CDH18: variants seen among roughly 807,000 people sequenced by gnomAD.
CDH18 encodes the protein cadherin-18.
Under a neutral mutation model 67.9 loss-of-function variants are expected in CDH18, and 31 were observed. The ratio of observed to expected loss-of-function variants is 0.46; its 90% CI spans 0.34 to 0.62. The LOEUF (loss-of-function observed/expected upper bound fraction) is 0.62, where lower values mean the gene tolerates loss of function less well. Ranked by LOEUF, CDH18 falls within the 20% of genes least tolerant of loss-of-function variation. The pLI is 0.01. For synonymous variants in CDH18, 362 were observed against 347.2 expected (o/e 1.04, Z -0.48); for missense variants, 890 against 975.5 (o/e 0.91, Z 1.17).
intron 2 of CDH18, among the ~76,000 whole-genome samples, chr5:19,841,455 G>T (rs910795484): frequency 6.6e-6 from 1 of 151,312 alleles, no homozygotes; most frequent in Non-Finnish European, 1.5e-5. Flanking sequence ...ATTAAAATTT[G>T]TGACTGGAAT....
At chr5:20,341,742 A>C (rs1159640552) in intron 1 of CDH18, among the ~76,000 whole-genome samples, 2 of 152,036 alleles carry the variant, frequency 1.3e-5, no homozygotes, top group Non-Finnish European at 2.9e-5. Context: ...GAGTAGACCC[A>C]AAAATGCTAA....
intron 2 of CDH18, among the ~76,000 whole-genome samples, chr5:20,013,074 T>G (rs1737595032): frequency 6.6e-6 from 1 of 152,024 alleles, no homozygotes; most frequent in Non-Finnish European, 1.5e-5. Context: ...ACAATAAAAG[T>G]TTTTTTAAAA....
intron 11 of CDH18, among the ~76,000 whole-genome samples, chr5:19,497,825 G>T (rs948594522): frequency 6.6e-6 from 1 of 152,254 alleles, no homozygotes; most frequent in South Asian, 2.1e-4. Context: ...ATAGTTGCTC[G>T]TAGGAGTTAC....
chr5:20,522,757 C>G (rs1409450815), intron 1 of CDH18, among the ~76,000 whole-genome samples: 1 of 152,020 alleles, frequency 6.6e-6, no homozygotes, highest in African/African-American at 2.4e-5. Context: ...AATCTAAAAC[C>G]CGTTAGGAAG....
chr5:19,758,811 C>T (rs1017682064), intron 3 of CDH18, among the ~76,000 whole-genome samples: 1 of 152,218 alleles, frequency 6.6e-6, no homozygotes, highest in Non-Finnish European at 1.5e-5. Flanking sequence ...ATTCCCCATC[C>T]TCTGGCACGC....
intron 4 of CDH18, among the ~76,000 whole-genome samples, chr5:19,740,995 T>G (rs1331051726): frequency 6.6e-6 from 1 of 152,206 alleles, no homozygotes; most frequent in Non-Finnish European, 1.5e-5. Context: ...ACATCTATTA[T>G]GGATTAATCC....
intron 2 of CDH18, among the ~76,000 whole-genome samples, chr5:20,162,273 G>A (rs10065625): frequency 0.46 from 70,285 of 151,438 alleles, 17,330 homozygotes; most frequent in Middle Eastern, 0.62. Context: ...TTCTTGCCAG[G>A]TCACTAAAGC....
intron 2 of CDH18, among the ~76,000 whole-genome samples, chr5:19,993,782 C>T (rs1274144258): frequency 6.6e-6 from 1 of 151,836 alleles, no homozygotes; most frequent in Non-Finnish European, 1.5e-5. Flanking sequence ...TCTATCTATC[C>T]TCTTAGTTCT....
At chr5:20,261,473 G>T (rs1744647540) in intron 1 of CDH18, among the ~76,000 whole-genome samples, 2 of 152,130 alleles carry the variant, frequency 1.3e-5, no homozygotes, top group South Asian at 2.1e-4. Context: ...GGGCGTGGTG[G>T]CTCACGCCTC....
intron 1 of CDH18, among the ~76,000 whole-genome samples, chr5:20,408,914 G>A (rs1351662104): frequency 6.6e-6 from 1 of 151,532 alleles, no homozygotes; most frequent in African/African-American, 2.4e-5. Flanking sequence ...AGAAAGCTAG[G>A]AATACTTATC....
intron 1 of CDH18, among the ~76,000 whole-genome samples, chr5:20,497,096 G>A (rs1753956088): frequency 6.6e-6 from 1 of 151,946 alleles, no homozygotes; most frequent in South Asian, 2.1e-4. Flanking sequence ...GAATAGCCAA[G>A]CAAAAGCAGT....
At chr5:20,175,147 A>G (rs1028764967) in intron 2 of CDH18, among the ~76,000 whole-genome samples, 2 of 152,096 alleles carry the variant, frequency 1.3e-5, no homozygotes, top group African/African-American at 2.4e-5. Context: ...AATGCCAACA[A>G]GAGGAAGAAA....
intron 1 of CDH18, among the ~76,000 whole-genome samples, chr5:20,361,167 C>CA (rs888952877): frequency 4.0e-5 from 6 of 151,172 alleles, no homozygotes; most frequent in African/African-American, 1.2e-4. Context: ...TTCATTCTTT[C>CA]AAAAAAAATG....
At chr5:19,958,446 T>TGCC (rs1417969373) in intron 2 of CDH18, among the ~76,000 whole-genome samples, 1 of 147,868 alleles carries the variant, frequency 6.8e-6, no homozygotes, top group African/African-American at 2.5e-5. Context: ...ACTTATGAAC[T>TGCC]GCCATCAAGG....
chr5:19,507,241 A>G (rs1400161770), intron 10 of CDH18, among the ~76,000 whole-genome samples: 1 of 152,176 alleles, frequency 6.6e-6, no homozygotes, highest in Non-Finnish European at 1.5e-5. Context: ...TGATCATTAA[A>G]AAGTCAGGAA....
intron 2 of CDH18, among the ~76,000 whole-genome samples, chr5:19,939,087 A>T (rs1011797434): frequency 6.6e-6 from 1 of 151,312 alleles, no homozygotes; most frequent in Non-Finnish European, 1.5e-5. Flanking sequence ...TAATATTTAG[A>T]GGATAGAACT....
At chr5:19,981,631 C>T (rs1473122744) in intron 1 of CDH18, among the ~76,000 whole-genome samples, 1 of 152,164 alleles carries the variant, frequency 6.6e-6, no homozygotes. Context: ...AAAATTGTTG[C>T]ATTGGAGGTA....
intron 1 of CDH18, among the ~76,000 whole-genome samples, chr5:20,259,426 G>A (rs569728301): frequency 5.3e-5 from 8 of 151,910 alleles, no homozygotes; most frequent in Non-Finnish European, 7.4e-5. Flanking sequence ...TCCCACCTCC[G>A]CCACCCCTGA....
At chr5:19,903,679 T>C (rs1485727951) in intron 2 of CDH18, among the ~76,000 whole-genome samples, 1 of 145,218 alleles carries the variant, frequency 6.9e-6, no homozygotes, top group Non-Finnish European at 1.5e-5. Flanking sequence ...AGCAGCACTT[T>C]GCAGCATGTG....
Sources: gnomAD v4.1 joint callset for allele counts (sites outside exome capture counted in the v4.1 genomes callset) on GRCh38, gnomAD v4.1.1 for gene constraint, MANE v1.5 for transcripts, NCBI Gene and HGNC (gene_info 2026-07-23, HGNC 2026-07-21) for gene names.